Variants in MEF2C observed in about 807,000 individuals in gnomAD.
The protein encoded by MEF2C is myocyte enhancer factor 2C, also known as myocyte-specific enhancer factor 2C.
In MEF2C, 6 loss-of-function variants were observed where a neutral mutation model predicts 50.5. That is an observed-to-expected ratio of 0.12 (90% CI 0.07 to 0.23). The LOEUF is 0.23. Among genes scored for constraint, MEF2C ranks in the 10% least tolerant of loss-of-function variants. MEF2C has a pLI of 1.00. For missense variants in MEF2C, 276 were observed against 605.0 expected (o/e 0.46, Z 5.70); for synonymous variants, 183 against 228.0 (o/e 0.80, Z 1.78).
intron 2 of MEF2C, among the ~76,000 whole-genome samples, chr5:88,811,746 G>T (rs1423055056): frequency 6.6e-6 from 1 of 152,062 alleles, no homozygotes; most frequent in Admixed American, 6.6e-5. Context: ...TACTGAAAAT[G>T]CACAGAAAAA....
intron 3 of MEF2C, among the ~76,000 whole-genome samples, chr5:88,786,524 C>A (rs1425269036): frequency 6.6e-6 from 1 of 152,094 alleles, no homozygotes; most frequent in African/African-American, 2.4e-5. Flanking sequence ...TAAGGTTGAA[C>A]CTTTTATTAA....
rs189234092 is a variant in MEF2C, at chr5:88,895,369, T to C, written c.-239-7771A>G. Among the ~76,000 whole-genome samples, 18 of 152,322 alleles carry C rather than the reference T, an allele frequency of 1.2e-4. No homozygotes were observed. The East Asian group carries it at 3.3e-3, about 28-fold the overall frequency. The stretch of plus-strand genomic sequence containing the variant: ...TAATATTGTCTTTAGATAAACTTTT[T>C]TGGGGTATTCTTATTGGATTTCATC... On this transcript the variant is annotated intron_variant, in intron 1 of 11. Transcript: ENST00000340208.
At chr5:88,729,603 T>C (rs192757339) in intron 8 of MEF2C, 9 of 441,626 alleles carry the variant, frequency 2.0e-5, no homozygotes, top group Admixed American at 3.6e-5. Context: ...AGCTTTATTA[T>C]GGGTAAAAAC....
At chr5:88,824,035 C>T (rs1809730513) in intron 1 of MEF2C, 105 bp from the exon 2 acceptor site, 1 of 1,082,930 alleles carries the variant, frequency 9.2e-7, no homozygotes, top group Admixed American at 4.1e-5. Flanking sequence ...GGAGCTAAAG[C>T]AATAAAATGA....
intron 2 of MEF2C, among the ~76,000 whole-genome samples, chr5:88,818,210 C>T (rs901193977): frequency 1.3e-5 from 2 of 151,966 alleles, no homozygotes; most frequent in Admixed American, 6.6e-5. Context: ...CCTATGAATA[C>T]GTACAATTAT....
chr5:88,785,920 T>G (rs1336817979), intron 3 of MEF2C, among the ~76,000 whole-genome samples: 1 of 152,210 alleles, frequency 6.6e-6, no homozygotes, highest in African/African-American at 2.4e-5. Context: ...TGTGGTTTTT[T>G]GAGGGCACTT....
intron 3 of MEF2C, among the ~76,000 whole-genome samples, chr5:88,798,111 T>C (rs1470290228): frequency 6.6e-6 from 1 of 150,466 alleles, no homozygotes; most frequent in Non-Finnish European, 1.5e-5. Flanking sequence ...GTGAATCTGA[T>C]TGTGTCTTGG....
chr5:88,886,766 T>G (rs999366874), upstream of MEF2C, among the ~76,000 whole-genome samples: 2 of 152,178 alleles, frequency 1.3e-5, no homozygotes, highest in African/African-American at 4.8e-5. Flanking sequence ...TCAAAAGAAT[T>G]ATGTTTAGCA....
chr5:88,842,829 C>T (rs1817873003), intron 1 of MEF2C, among the ~76,000 whole-genome samples: 1 of 152,140 alleles, frequency 6.6e-6, no homozygotes, highest in Non-Finnish European at 1.5e-5. Flanking sequence ...AAAAATATGA[C>T]ATTCTGGGTT....
chr5:88,900,815 C>T (rs1167781707), intron 1 of MEF2C, among the ~76,000 whole-genome samples: 1 of 151,704 alleles, frequency 6.6e-6, no homozygotes, highest in African/African-American at 2.4e-5. Flanking sequence ...GGAAACAGAC[C>T]CAAGTCTGTA....
chr5:88,760,113 CATT>C (rs1777177689), intron 4 of MEF2C, among the ~76,000 whole-genome samples: 1 of 152,224 alleles, frequency 6.6e-6, no homozygotes. Context: ...CAGACACTAA[CATT>C]AGTTATTTAG....
intron 3 of MEF2C, 151 bp downstream of exon 3, chr5:88,804,447 A>C (rs758024573): frequency 7.8e-6 from 5 of 640,180 alleles, no homozygotes; most frequent in Admixed American, 2.8e-5. Context: ...AGGTGGAGTA[A>C]GAGTTGCGAT....
intron 6 of MEF2C, chr5:88,743,684 C>G: frequency 3.0e-6 from 3 of 985,404 alleles, no homozygotes; most frequent in Non-Finnish European, 2.4e-6. Context: ...TGGAGTCTTT[C>G]CAGAGTCTGG....
At chr5:88,889,076 T>TA (rs1834261999) in intron 1 of MEF2C, 1 of 152,188 alleles carries the variant, frequency 6.6e-6, no homozygotes, top group Non-Finnish European at 1.5e-5. Context: ...AAGTGGGGAT[T>TA]AAAAATCTCG....
chr5:88,718,016 A>G lies in MEF2C; in HGVS notation c.*4588T>C, dbSNP rs1755160695. The G allele has an allele frequency of 6.6e-6, 1 of 152,170 alleles. No homozygotes were observed. Among genetic ancestry groups the G allele is most frequent in the Admixed American group, 6.5e-5 (1 of 15,276 alleles). 9.4% of individuals were successfully genotyped at this position (152,170 alleles called of 1,614,324 possible). A position where few individuals can be genotyped will look rare whatever the true frequency, so the allele number is the denominator to read the frequency against. On this transcript the variant is annotated 3_prime_UTR_variant, in exon 11 of 11. Transcript: ENST00000504921. ...TTGAACCATTCAATAAGAACCTTAG[A>G]CTTCCACCACTGGCTGAATTCTGTA...
At chr5:88,761,619 A>G (rs923428122) in intron 3 of MEF2C, 4 of 299,414 alleles carry the variant, frequency 1.3e-5, no homozygotes, top group East Asian at 6.7e-5. Context: ...ATATCTAGTG[A>G]GAGACAATTA....
intron 1 of MEF2C, chr5:88,826,982 T>C (rs1280300896): frequency 3.3e-5 from 5 of 151,762 alleles, no homozygotes; most frequent in Non-Finnish European, 7.4e-5. Flanking sequence ...ATTTTTTTTT[T>C]CTAAAGAAAA....
At chr5:88,888,364 T>A (rs1329517387) in intron 1 of MEF2C, 1 of 152,222 alleles carries the variant, frequency 6.6e-6, no homozygotes, top group Non-Finnish European at 1.5e-5. Flanking sequence ...CTTTTCCCAT[T>A]TGTAATAGCA....
intron 1 of MEF2C, among the ~76,000 whole-genome samples, chr5:88,871,844 T>C (rs986019932): frequency 6.6e-6 from 1 of 152,108 alleles, no homozygotes; most frequent in Non-Finnish European, 1.5e-5. Flanking sequence ...AGTTCACTTA[T>C]TCATCATCTC....
Sources: allele counts gnomAD v4.1 joint callset (sites outside exome capture counted in the v4.1 genomes callset), GRCh38; gene constraint gnomAD v4.1.1; transcripts MANE v1.5; gene names NCBI Gene and HGNC (gene_info 2026-07-23, HGNC 2026-07-21).